Variants in ULK4 observed in about 807,000 individuals in gnomAD.
ULK4 encodes the protein inactive serine/threonine-protein kinase ULK4.
Under a neutral mutation model 160.6 loss-of-function variants are expected in ULK4, and 133 were observed. That is an observed-to-expected ratio of 0.83 (90% confidence interval 0.72 to 0.96). ULK4 has a LOEUF of 0.96. Ranked by LOEUF, ULK4 falls within the 40% of genes least tolerant of loss-of-function variation. The pLI, the probability that ULK4 is intolerant of heterozygous loss-of-function variation, is 0.00. For synonymous variants in ULK4, 534 were observed against 539.8 expected (o/e 0.99, Z 0.15); for missense variants, 1,580 against 1,499.5 (o/e 1.05, Z -0.89).
chr3:41,865,911 A>C (rs1696842969), intron 17 of ULK4, among the ~76,000 whole-genome samples: 1 of 152,232 alleles, frequency 6.6e-6, no homozygotes, highest in South Asian at 2.1e-4. Flanking sequence ...CATTCGTAAA[A>C]GAAAAAATTG....
At chr3:41,273,518 G>C (rs935416839) in intron 35 of ULK4, among the ~76,000 whole-genome samples, 1 of 152,152 alleles carries the variant, frequency 6.6e-6, no homozygotes, top group African/African-American at 2.4e-5. Context: ...TTCCGCTCCA[G>C]TACTGTGTAC....
rs180902810 is a variant in ULK4 at position 41,299,155 on chromosome 3, C to T, written c.3679-49581G>A. ...AGCCTAGAACTCAAGAGGCTTTGCA[C>T]ACTTCAGTTCTCTCCTTTGGGTCTA... On this transcript the variant is annotated intron_variant, in intron 35 of 36. Coordinates refer to ENST00000301831, the MANE Select transcript of ULK4 (RefSeq NM_017886.4). Among the ~76,000 whole-genome samples the T allele has an allele frequency of 4.9e-4, 74 of 152,308 alleles. 1 individual carries two copies. The highest frequency in any genetic ancestry group is 3.3e-3 in the Admixed American group (51 of 15,298).
intron 35 of ULK4, among the ~76,000 whole-genome samples, chr3:41,378,119 C>G (rs981937174): frequency 6.0e-5 from 9 of 149,390 alleles, no homozygotes; most frequent in Non-Finnish European, 1.2e-4. Context: ...TAAACTATTG[C>G]AAGAACAAAA....
At chr3:41,624,315 G>A (rs1237543325) in intron 30 of ULK4, among the ~76,000 whole-genome samples, 7 of 152,310 alleles carry the variant, frequency 4.6e-5, no homozygotes, top group Non-Finnish European at 7.3e-5. Flanking sequence ...CCTGGCAACC[G>A]AGGCCAATGA....
At chr3:41,325,357 A>C (rs1345280562) in intron 35 of ULK4, among the ~76,000 whole-genome samples, 5 of 152,256 alleles carry the variant, frequency 3.3e-5, no homozygotes, top group East Asian at 3.8e-4. Flanking sequence ...AAACTTTTCA[A>C]AACCTAAATA....
At chr3:41,839,295 A>T (rs1251918071) in intron 17 of ULK4, among the ~76,000 whole-genome samples, 1 of 151,960 alleles carries the variant, frequency 6.6e-6, no homozygotes, top group Admixed American at 6.6e-5. Flanking sequence ...AGCTGAGATC[A>T]TGCCACTGCA....
At chr3:41,757,067 A>G (rs1036549335) in intron 21 of ULK4, among the ~76,000 whole-genome samples, 20 of 152,204 alleles carry the variant, frequency 1.3e-4, no homozygotes, top group African/African-American at 4.6e-4. Flanking sequence ...AAACTAGAGT[A>G]TTTGCAGCAC....
chr3:41,946,932 G>GC (rs1212893722), intron 2 of ULK4, among the ~76,000 whole-genome samples: 1 of 152,118 alleles, frequency 6.6e-6, no homozygotes, highest in African/African-American at 2.4e-5. Flanking sequence ...CCTGAATTAA[G>GC]CCTTTGACGG....
intron 32 of ULK4, among the ~76,000 whole-genome samples, chr3:41,468,295 A>G (rs2083885300): frequency 6.6e-6 from 1 of 152,222 alleles, no homozygotes; most frequent in South Asian, 2.1e-4. Flanking sequence ...CCCAAAGGAC[A>G]GTCAAATTTA....
rs117453188 is a variant in ULK4 at position 41,938,961 on chromosome 3, A to G, written c.139-764T>C. On this transcript the variant is annotated intron_variant, in intron 2 of 36. Transcript: ENST00000301831. ...TAAGTAAACATAACCTAACTACTCA[A>G]TAACACAATAGGTCACTAAGTTGTA... Among the ~76,000 whole-genome samples, 111 of 152,318 alleles carry G rather than the reference A, an allele frequency of 7.3e-4. 1 individual carries two copies. In the East Asian group the frequency reaches 0.021, roughly 29 times the overall value.
chr3:41,293,282 A>T (rs912197801), intron 35 of ULK4, among the ~76,000 whole-genome samples: 3 of 152,210 alleles, frequency 2.0e-5, no homozygotes, highest in Admixed American at 6.5e-5. Flanking sequence ...ACAAACATAC[A>T]TACAAAAAAA....
chr3:41,749,708 A>G (rs1271632112), intron 22 of ULK4, among the ~76,000 whole-genome samples: 1 of 152,208 alleles, frequency 6.6e-6, no homozygotes, highest in Non-Finnish European at 1.5e-5. Flanking sequence ...GTTTGAAGAC[A>G]TAATTAAAGT....
At chr3:41,789,518 G>T in intron 21 of ULK4, 143 bp downstream of exon 21, 1 of 638,122 alleles carries the variant, frequency 1.6e-6, no homozygotes, top group Non-Finnish European at 2.5e-6. Flanking sequence ...TGAACATTCT[G>T]TGGTACAAAG....
chr3:41,862,765 GTCTC>G (rs549887441), intron 17 of ULK4, among the ~76,000 whole-genome samples: 327 of 143,282 alleles, frequency 2.3e-3, no homozygotes, highest in African/African-American at 7.9e-3. Context: ...CAGTCAGTCA[GTCTC>G]TCTCTCTCTC....
At chr3:41,300,449 G>A (rs1313760818) in intron 35 of ULK4, among the ~76,000 whole-genome samples, 1 of 152,116 alleles carries the variant, frequency 6.6e-6, no homozygotes, top group Non-Finnish European at 1.5e-5. Flanking sequence ...TTTTACATAA[G>A]CATATTGAAG....
chr3:41,276,201 T>C (rs1270803917), intron 35 of ULK4, among the ~76,000 whole-genome samples: 1 of 152,240 alleles, frequency 6.6e-6, no homozygotes, highest in African/African-American at 2.4e-5. Context: ...CCTATAGTTA[T>C]CTGATGATAG....
chr3:41,865,912 G>A (rs1696843045), intron 17 of ULK4, among the ~76,000 whole-genome samples: 1 of 151,502 alleles, frequency 6.6e-6, no homozygotes, highest in African/African-American at 2.4e-5. Context: ...ATTCGTAAAA[G>A]AAAAAATTGG....
At chr3:41,365,117 A>G (rs1478030073) in intron 35 of ULK4, among the ~76,000 whole-genome samples, 1 of 152,090 alleles carries the variant, frequency 6.6e-6, no homozygotes, top group Non-Finnish European at 1.5e-5. Context: ...TTTTTACTAC[A>G]CTCAGGATTC....
intron 34 of ULK4, among the ~76,000 whole-genome samples, chr3:41,425,346 G>A (rs1160163607): frequency 6.6e-6 from 1 of 152,142 alleles, no homozygotes; most frequent in Non-Finnish European, 1.5e-5. Flanking sequence ...AAGATACGGG[G>A]AGAATGGAAC....
Sources: gnomAD v4.1 joint callset for allele counts (sites outside exome capture counted in the v4.1 genomes callset) on GRCh38, gnomAD v4.1.1 for gene constraint, MANE v1.5 for transcripts, NCBI Gene and HGNC (gene_info 2026-07-23, HGNC 2026-07-21) for gene names.